The following CAMK4 variants were observed in gnomAD, a reference collection of about 807,000 sequenced individuals.
CAMK4 encodes calcium/calmodulin dependent protein kinase IV.
CAMK4 carries 22 observed loss-of-function variants against 44.9 expected under a neutral mutation model. The observed-to-expected ratio is 0.49, with a 90% CI of 0.35 to 0.70. The LOEUF (loss-of-function observed/expected upper bound fraction) is 0.70. Among genes scored for constraint, CAMK4 ranks in the 30% least tolerant of loss-of-function variants. CAMK4 has a pLI of 0.01. For missense variants in CAMK4, 498 were observed against 586.8 expected (o/e 0.85, Z 1.56); for synonymous variants, 218 against 215.4 (o/e 1.01, Z -0.11).
At chr5:111,423,984 T>G (rs969081621) in intron 5 of CAMK4, among the ~76,000 whole-genome samples, 6 of 152,216 alleles carry the variant, frequency 3.9e-5, no homozygotes, top group African/African-American at 1.2e-4. Context: ...GTTAAGTAAC[T>G]TTTCCAAGAT....
chr5:111,236,208 G>A (rs553758306), intron 1 of CAMK4, among the ~76,000 whole-genome samples: 41 of 152,334 alleles, frequency 2.7e-4, no homozygotes, highest in African/African-American at 9.6e-4. Flanking sequence ...AGGAGATAAT[G>A]ACTCCCACTT....
chr5:111,310,577 G>A (rs1279618802), intron 1 of CAMK4, among the ~76,000 whole-genome samples: 2 of 152,114 alleles, frequency 1.3e-5, no homozygotes, highest in African/African-American at 2.4e-5. Flanking sequence ...ATGGCTCAGA[G>A]GGGTATATAT....
chr5:111,474,998 C>G (rs1020880175), intron 8 of CAMK4, among the ~76,000 whole-genome samples: 6 of 152,016 alleles, frequency 3.9e-5, no homozygotes, highest in Admixed American at 2.0e-4. Context: ...CCCGTCTCTA[C>G]TAAAAATATA....
chr5:111,430,351 GTAT>G (rs1290774896), intron 5 of CAMK4, among the ~76,000 whole-genome samples: 4 of 152,178 alleles, frequency 2.6e-5, no homozygotes, highest in Non-Finnish European at 4.4e-5. Context: ...CCCACAGCTA[GTAT>G]TATACTGAGT....
At chr5:111,466,392 T>A (rs1233354333) in intron 7 of CAMK4, among the ~76,000 whole-genome samples, 1 of 152,052 alleles carries the variant, frequency 6.6e-6, no homozygotes, top group African/African-American at 2.4e-5. Context: ...TCCAAATCGG[T>A]AATGAGGAAG....
chr5:111,267,791 A>G (rs1650790), intron 1 of CAMK4, among the ~76,000 whole-genome samples: 54,808 of 151,612 alleles, frequency 0.36, 11,067 homozygotes, highest in Middle Eastern at 0.46. Flanking sequence ...TACAAACACA[A>G]TAGCTCAGAT....
At chr5:111,259,290 T>G (rs920564819) in intron 1 of CAMK4, among the ~76,000 whole-genome samples, 7 of 152,082 alleles carry the variant, frequency 4.6e-5, no homozygotes, top group African/African-American at 1.4e-4. Context: ...AACTTAAGAG[T>G]CTCTAAATAA....
At chr5:111,403,838 T>A (rs532833587) in intron 5 of CAMK4, among the ~76,000 whole-genome samples, 2 of 152,314 alleles carry the variant, frequency 1.3e-5, no homozygotes, top group African/African-American at 4.8e-5. Context: ...ATCAAAATTT[T>A]ACCGAATTCT....
At chr5:111,474,553 T>G (rs981993282) in intron 8 of CAMK4, among the ~76,000 whole-genome samples, 1 of 152,118 alleles carries the variant, frequency 6.6e-6, no homozygotes, top group African/African-American at 2.4e-5. Context: ...TACTATCTCA[T>G]TGGGAGCTGG....
Position 111,484,221 on chromosome 5 carries a change from G to A in CAMK4, c.1177G>A (p.Glu393Lys). The change falls in exon 11 of 11, where the codon GAG becomes AAG. Residue 393 changes from glutamate (E) to lysine (K), a missense_variant. This residue lies in a region of CAMK4 where 143 missense variants were observed against 144.9 expected (regional missense o/e 0.99). Transcript: ENST00000282356. This position sits in a 1 kb window ranked among gnomAD's most constrained non-coding sequence, Gnocchi z 5.3. ...AQAAVKGAQA[E>K]LMKVQALEKV... ...AGCCGCAGTTAAGGGGGCACAGGCT[G>A]AGCTGATGAAGGTGCAAGCCTTAGA... The A allele has an allele frequency of 6.2e-7, 1 of 1,614,114 alleles. No homozygotes were observed. The highest frequency in any genetic ancestry group is 8.5e-7 in the Non-Finnish European group (1 of 1,180,014).
intron 2 of CAMK4, among the ~76,000 whole-genome samples, chr5:111,367,917 A>G (rs1268027719): frequency 5.3e-5 from 8 of 152,006 alleles, no homozygotes; most frequent in Admixed American, 5.2e-4. Context: ...GTATGTCTTT[A>G]TAGCTCATTA....
chr5:111,250,635 T>C (rs774010734), intron 1 of CAMK4, among the ~76,000 whole-genome samples: 1 of 152,186 alleles, frequency 6.6e-6, no homozygotes, highest in Non-Finnish European at 1.5e-5. Context: ...TCATATCTGC[T>C]TTATTCTTTG....
intron 6 of CAMK4, among the ~76,000 whole-genome samples, chr5:111,448,711 CAG>C (rs1754116915): frequency 6.6e-6 from 1 of 152,034 alleles, no homozygotes; most frequent in Non-Finnish European, 1.5e-5. Context: ...GAGGCTGAGT[CAG>C]AGAATTGCTT....
chr5:111,437,302 A>G (rs1440131709), intron 5 of CAMK4, among the ~76,000 whole-genome samples: 1 of 152,248 alleles, frequency 6.6e-6, no homozygotes, highest in Non-Finnish European at 1.5e-5. Flanking sequence ...AAATGAATAA[A>G]AGGTCTAGAT....
chr5:111,234,260 G>A (rs1007137381), intron 1 of CAMK4, among the ~76,000 whole-genome samples: 3 of 152,124 alleles, frequency 2.0e-5, no homozygotes, highest in Non-Finnish European at 4.4e-5. Context: ...TGCAAGGTGT[G>A]TCTTTGTGCA....
At chr5:111,248,995 A>G (rs565043034) in intron 1 of CAMK4, among the ~76,000 whole-genome samples, 11 of 152,272 alleles carry the variant, frequency 7.2e-5, no homozygotes, top group African/African-American at 2.4e-4. Context: ...ATCTGTTTGC[A>G]TGGATGTTTT....
chr5:111,315,029 T>C (rs1269686814), intron 1 of CAMK4, among the ~76,000 whole-genome samples: 1 of 152,138 alleles, frequency 6.6e-6, no homozygotes, highest in Admixed American at 6.6e-5. Flanking sequence ...CATGGCTATT[T>C]CTGTTCAAGA....
intron 1 of CAMK4, among the ~76,000 whole-genome samples, chr5:111,307,850 C>T (rs1747988984): frequency 6.9e-5 from 1 of 14,450 alleles, no homozygotes; most frequent in Non-Finnish European, 1.1e-4. Flanking sequence ...GGAACCAACC[C>T]AAATGTCCAA....
chr5:111,373,964 A>G (rs1179458200), intron 2 of CAMK4, among the ~76,000 whole-genome samples: 3 of 152,152 alleles, frequency 2.0e-5, no homozygotes, highest in Non-Finnish European at 4.4e-5. Context: ...GCTAGAGAGA[A>G]TATCCCTAAT....
Sources: allele counts gnomAD v4.1 joint callset (sites outside exome capture counted in the v4.1 genomes callset), GRCh38; gene constraint gnomAD v4.1.1; regional missense constraint gnomAD v4.1.1; non-coding constraint Gnocchi (gnomAD v3.1); transcripts MANE v1.5; gene names NCBI Gene and HGNC (gene_info 2026-07-23, HGNC 2026-07-21).